Variants in CNTN4 observed in about 807,000 individuals in gnomAD.
CNTN4 encodes the protein contactin-4.
A neutral mutation model predicts 122.5 loss-of-function variants in CNTN4; 77 were observed. The ratio of observed to expected loss-of-function variants is 0.63; its 90% CI spans 0.52 to 0.76. CNTN4 has a LOEUF of 0.76. Among genes scored for constraint, CNTN4 ranks in the 30% least tolerant of loss-of-function variants. The pLI, the probability that CNTN4 is intolerant of heterozygous loss-of-function variation, is 0.00. For missense variants in CNTN4, 1,256 were observed against 1,259.1 expected (o/e 1.00, Z 0.04); for synonymous variants, 512 against 447.0 (o/e 1.15, Z -1.83).
intron 3 of CNTN4, among the ~76,000 whole-genome samples, chr3:2,340,700 T>TAGAGAG (rs1370813805): frequency 1.4e-4 from 2 of 14,118 alleles, no homozygotes; most frequent in Non-Finnish European, 3.0e-4. Context: ...TATATATATA[T>TAGAGAG]ATATATATAT....
At chr3:2,353,823 C>T (rs1246951146) in intron 3 of CNTN4, among the ~76,000 whole-genome samples, 4 of 151,996 alleles carry the variant, frequency 2.6e-5, no homozygotes, top group Admixed American at 6.5e-5. Context: ...GGCGGGAACC[C>T]GGGAGGCGGA....
At chr3:2,821,138 G>A (rs1212010325) in intron 7 of CNTN4, among the ~76,000 whole-genome samples, 2 of 151,628 alleles carry the variant, frequency 1.3e-5, no homozygotes, top group Non-Finnish European at 2.9e-5. Context: ...TATATTTTTA[G>A]TAGAGATAGG....
At chr3:2,335,744 G>A (rs1360780688) in intron 2 of CNTN4, among the ~76,000 whole-genome samples, 1 of 152,042 alleles carries the variant, frequency 6.6e-6, no homozygotes, top group Admixed American at 6.6e-5. Context: ...TTCCCAGTGA[G>A]GTGTGAATAA....
At chr3:2,412,869 A>G (rs142021411) in intron 3 of CNTN4, among the ~76,000 whole-genome samples, 47 of 152,304 alleles carry the variant, frequency 3.1e-4, no homozygotes, top group Non-Finnish European at 5.6e-4. Flanking sequence ...ATTTATTTAT[A>G]TTAGCTGTAT....
chr3:2,651,887 A>C (rs1328666545), intron 4 of CNTN4, among the ~76,000 whole-genome samples: 7 of 151,544 alleles, frequency 4.6e-5, no homozygotes, highest in Non-Finnish European at 7.4e-5. Context: ...CATTTTTTTT[A>C]GTAAAGATGG....
intron 4 of CNTN4, among the ~76,000 whole-genome samples, chr3:2,623,077 C>T (rs1391559813): frequency 2.0e-5 from 3 of 152,198 alleles, no homozygotes; most frequent in African/African-American, 7.2e-5. Context: ...TTTACTCTCA[C>T]CTTAATAAAT....
At chr3:2,654,873 A>G (rs73112541) in intron 4 of CNTN4, among the ~76,000 whole-genome samples, 45,272 of 151,828 alleles carry the variant, frequency 0.3, 7,455 homozygotes, top group African/African-American at 0.43. Context: ...TCTGCGTGGC[A>G]CTAGCTAGTA....
chr3:2,124,773 CCAA>C (rs2034033357), intron 2 of CNTN4, among the ~76,000 whole-genome samples: 1 of 152,170 alleles, frequency 6.6e-6, no homozygotes, highest in Admixed American at 6.5e-5. Flanking sequence ...AAACAACCAA[CCAA>C]CCAACAAAAA....
chr3:2,956,091 A>G (rs1364091697), intron 13 of CNTN4, among the ~76,000 whole-genome samples: 1 of 152,190 alleles, frequency 6.6e-6, no homozygotes, highest in Non-Finnish European at 1.5e-5. Flanking sequence ...ATACAGTGGA[A>G]TATTTTCCAG....
chr3:2,466,970 C>CTTTCTTTTTT (rs1392656721), intron 3 of CNTN4, among the ~76,000 whole-genome samples: 5 of 115,786 alleles, frequency 4.3e-5, no homozygotes, highest in African/African-American at 1.7e-4. Flanking sequence ...TTCTTTCTTT[C>CTTTCTTTTTT]TTTTTTTTTT....
intron 12 of CNTN4, among the ~76,000 whole-genome samples, chr3:2,912,580 G>T (rs1322687686): frequency 6.6e-6 from 1 of 152,058 alleles, no homozygotes; most frequent in Non-Finnish European, 1.5e-5. Context: ...TAAAAATCTG[G>T]TATAGAATGT....
intron 4 of CNTN4, among the ~76,000 whole-genome samples, chr3:2,702,346 C>T (rs1308101885): frequency 1.3e-5 from 2 of 152,236 alleles, no homozygotes; most frequent in Non-Finnish European, 2.9e-5. Flanking sequence ...CAAACGAACA[C>T]TGCAAGTATC....
At chr3:2,439,404 TTTTA>T (rs2048358062) in intron 3 of CNTN4, among the ~76,000 whole-genome samples, 1 of 152,210 alleles carries the variant, frequency 6.6e-6, no homozygotes, top group Non-Finnish European at 1.5e-5. Context: ...TTTTACTTTA[TTTTA>T]TTTTTTTTTA....
chr3:2,474,909 A>G (rs555821213), intron 3 of CNTN4, among the ~76,000 whole-genome samples: 13 of 152,318 alleles, frequency 8.5e-5, no homozygotes, highest in African/African-American at 2.9e-4. Context: ...TGAAGACAGT[A>G]TCATTTACTT....
chr3:2,933,057 C>T (rs1458895664), intron 13 of CNTN4, among the ~76,000 whole-genome samples: 1 of 152,004 alleles, frequency 6.6e-6, no homozygotes, highest in African/African-American at 2.4e-5. Flanking sequence ...CTCCTGACCT[C>T]GTGATCCGCC....
intron 3 of CNTN4, among the ~76,000 whole-genome samples, chr3:2,433,519 G>A (rs1394222830): frequency 6.6e-6 from 1 of 152,018 alleles, no homozygotes; most frequent in Non-Finnish European, 1.5e-5. Flanking sequence ...ATATATTTTG[G>A]ATATTAGCCC....
At chr3:2,643,606 G>A (rs1217646020) in intron 4 of CNTN4, among the ~76,000 whole-genome samples, 2 of 152,158 alleles carry the variant, frequency 1.3e-5, no homozygotes, top group African/African-American at 2.4e-5. Context: ...AAAAATACAG[G>A]TAAGGAATCC....
At chr3:3,008,901 C>A in intron 14 of CNTN4, 1 of 973,724 alleles carries the variant, frequency 1.0e-6, no homozygotes. Context: ...CTAGGGCAAA[C>A]CACCAAGATC....
intron 4 of CNTN4, among the ~76,000 whole-genome samples, chr3:2,660,636 G>A (rs1448984392): frequency 2.0e-5 from 3 of 152,180 alleles, no homozygotes; most frequent in Non-Finnish European, 4.4e-5. Context: ...AAGGTCAAAT[G>A]GAAATAACAT....
Sources: allele counts gnomAD v4.1 joint callset (sites outside exome capture counted in the v4.1 genomes callset), GRCh38; gene constraint gnomAD v4.1.1; transcripts MANE v1.5; gene names NCBI Gene and HGNC (gene_info 2026-07-23, HGNC 2026-07-21).